The following DPEP1 variants were observed in gnomAD, a reference collection of about 807,000 sequenced individuals.
DPEP1 encodes beta-lactamase.
DPEP1 carries 50 observed loss-of-function variants against 42.3 expected under a neutral mutation model. That is an observed-to-expected ratio of 1.18 (90% CI 0.94 to 1.50). DPEP1 has a LOEUF of 1.50. Among genes scored for constraint, DPEP1 ranks in the 40% most tolerant of loss-of-function variants. The pLI is 0.00. For missense variants in DPEP1, 663 were observed against 553.0 expected, an observed-to-expected ratio of 1.20 and a Z score of -1.99; for synonymous variants, 297 against 234.0, an observed-to-expected ratio of 1.27 and a Z score of -2.46.
At chr16:89,637,020 G>T in intron 6 of DPEP1, 85 bp downstream of exon 6, 1 of 1,564,812 alleles carries the variant, frequency 6.4e-7, no homozygotes, top group Non-Finnish European at 8.7e-7. Context: ...CTCCTCACGT[G>T]GGACCTCAGT....
At chr16:89,637,741 C>G in intron 9 of DPEP1, 34 bp downstream of exon 9, 1 of 1,612,782 alleles carries the variant, frequency 6.2e-7, no homozygotes, top group Non-Finnish European at 8.5e-7. Context: ...TGTGGATGAG[C>G]CGGGAGGTTC....
In DPEP1 at chr16:89,638,410, C is replaced by A; in HGVS notation, c.*188C>A. 8 of 1,346,012 alleles carry A rather than the reference C, an allele frequency of 5.9e-6. No homozygotes were observed. The highest frequency in any genetic ancestry group is 7.6e-6 in the Non-Finnish European group (8 of 1,054,572). The allele number at this position is 1,346,012 out of a possible 1,614,324, so 83.4% of individuals were successfully genotyped here. On this transcript the variant is annotated 3_prime_UTR_variant, in exon 11 of 11. Coordinates refer to ENST00000690203, the MANE Select transcript of DPEP1 (RefSeq NM_001389466.1). ...TCAGGACACACACACAGTAGGCCCG[C>A]AATAAAAGCAACACCCCTTCACATC...
At chr16:89,634,465 A>G (rs1015707572) in intron 2 of DPEP1, among the ~76,000 whole-genome samples, 2 of 151,604 alleles carry the variant, frequency 1.3e-5, no homozygotes, top group Non-Finnish European at 1.5e-5. Flanking sequence ...CTGGATTCGG[A>G]CCCTCTGGGA....
Position 89,624,849 on chromosome 16 carries a change from A to C in DPEP1, c.-106-5456A>C, listed in dbSNP as rs375968008. Among the ~76,000 whole-genome samples, 14 of 152,198 alleles carry C rather than the reference A, an allele frequency of 9.2e-5. No homozygotes were observed. In the East Asian group the frequency reaches 2.7e-3, roughly 29 times the overall value. On this transcript the variant is annotated intron_variant, in intron 1 of 10. Coordinates refer to ENST00000690203, the MANE Select transcript of DPEP1 (RefSeq NM_001389466.1). Reference sequence around the variant, plus strand: ...CCCCTCGGCCAGTTTTCTGGGTCTTAAGGGCACCTTTCATGGTTCCTATAC... The same window carrying C: ...CCCCTCGGCCAGTTTTCTGGGTCTTCAGGGCACCTTTCATGGTTCCTATAC...
chr16:89,638,113 C>G lies in DPEP1; in HGVS notation c.1127C>G (p.Ser376Cys). The G allele has an allele frequency of 6.2e-7, 1 of 1,612,400 alleles. No individual in the cohort carries two copies. The highest frequency in any genetic ancestry group is 8.5e-7 in the Non-Finnish European group (1 of 1,179,828). ...ATCCCGCTGGACCAGCTGGGTGGCTCCTGCAGGACCCATTACGGCTACTCC... is the reference window on the plus strand; with the variant it reads ...ATCCCGCTGGACCAGCTGGGTGGCTGCTGCAGGACCCATTACGGCTACTCC... Reference protein sequence around the residue: ...EPIPLDQLGGSCRTHYGYSSG... With the variant: ...EPIPLDQLGGCCRTHYGYSSG... Residue 376 changes from serine (S) to cysteine (C), a missense_variant, in exon 11 of 11, where the codon TCC becomes TGC. Transcript: ENST00000690203.
intron 1 of DPEP1, among the ~76,000 whole-genome samples, chr16:89,617,144 T>C (rs994326238): frequency 6.6e-6 from 1 of 152,032 alleles, no homozygotes; most frequent in African/African-American, 2.4e-5. Context: ...TTGGGGACAA[T>C]TCTCTCTTAT....
At chr16:89,616,830 G>A in intron 1 of DPEP1, 2 of 258,666 alleles carry the variant, frequency 7.7e-6, no homozygotes, top group Non-Finnish European at 7.8e-6. Flanking sequence ...GAAGTGGCCA[G>A]GAAGCGGACA....
chr16:89,614,408 T>C (rs1342346997), intron 1 of DPEP1, among the ~76,000 whole-genome samples: 1 of 152,210 alleles, frequency 6.6e-6, no homozygotes, highest in Admixed American at 6.5e-5. Context: ...TGGAATTCTC[T>C]GCGCAGTCAT....
chr16:89,629,810 G>C (rs949188719), intron 1 of DPEP1, among the ~76,000 whole-genome samples: 1 of 152,184 alleles, frequency 6.6e-6, no homozygotes. Context: ...CCGGGGGTGC[G>C]GACCCCTCAG....
intron 2 of DPEP1, among the ~76,000 whole-genome samples, chr16:89,632,391 T>C (rs2151494089): frequency 6.6e-6 from 1 of 152,266 alleles, no homozygotes; most frequent in Non-Finnish European, 1.5e-5. Flanking sequence ...GGGACCCACC[T>C]TCATCCCTTG....
At chr16:89,621,889 C>T (rs968634173) in intron 1 of DPEP1, among the ~76,000 whole-genome samples, 6 of 152,104 alleles carry the variant, frequency 3.9e-5, no homozygotes, top group African/African-American at 7.2e-5. Context: ...TGGGTAGGTC[C>T]GCATTGCCTG....
intron 1 of DPEP1, among the ~76,000 whole-genome samples, chr16:89,629,018 G>T (rs1194360250): frequency 1.3e-5 from 2 of 151,996 alleles, no homozygotes; most frequent in African/African-American, 4.8e-5. Flanking sequence ...ATACAGAGAG[G>T]GTTTCACCAT....
intron 1 of DPEP1, among the ~76,000 whole-genome samples, chr16:89,622,445 C>T (rs775554552): frequency 3.3e-5 from 5 of 152,170 alleles, no homozygotes; most frequent in Non-Finnish European, 7.3e-5. Flanking sequence ...ACAAGCATTT[C>T]CTCCTGCTCC....
At chr16:89,637,033 C>T (rs2059690215) in intron 6 of DPEP1, 98 bp downstream of exon 6, 2 of 1,547,948 alleles carry the variant, frequency 1.3e-6, no homozygotes, top group Admixed American at 1.8e-5. Context: ...ACCTCAGTGT[C>T]CTTGTCTGTA....
chr16:89,620,963 C>T (rs2059440633), intron 1 of DPEP1, among the ~76,000 whole-genome samples: 2 of 152,162 alleles, frequency 1.3e-5, no homozygotes, highest in Admixed American at 1.3e-4. Context: ...AGCACCATCA[C>T]AGGCAGTGAA....
downstream of DPEP1, among the ~76,000 whole-genome samples, chr16:89,640,082 C>T (rs1207927147): frequency 6.6e-6 from 1 of 152,252 alleles, no homozygotes; most frequent in African/African-American, 2.4e-5. Flanking sequence ...AGACGTGGTC[C>T]AGGCGTGAGC....
intron 1 of DPEP1, among the ~76,000 whole-genome samples, chr16:89,622,698 C>T (rs1181806719): frequency 6.6e-6 from 1 of 151,394 alleles, no homozygotes; most frequent in Non-Finnish European, 1.5e-5. Context: ...GCAGGAGAAT[C>T]GCTTGAACCC....
chr16:89,637,390 G>C lies in DPEP1; in HGVS notation c.768+10G>C, dbSNP rs374720091. ...CGTCCTGAGGCTGGTGGTGAGGGCC[G>C]AGGGGGCGACCTCCACCCCGCCTCC... On this transcript the variant is annotated intron_variant, in intron 7 of 10. Transcript: ENST00000690203. 1 of 1,612,226 alleles carries C rather than the reference G, an allele frequency of 6.2e-7. No individual in the cohort carries two copies. The highest frequency in any genetic ancestry group is 8.5e-7 in the Non-Finnish European group (1 of 1,179,792).
chr16:89,621,067 C>T (rs1168380238), intron 1 of DPEP1, among the ~76,000 whole-genome samples: 7 of 151,718 alleles, frequency 4.6e-5, no homozygotes, highest in South Asian at 2.1e-4. Context: ...ATGGAACCGG[C>T]GGGGGCCTCA....
Sources: gnomAD v4.1 joint callset for allele counts (sites outside exome capture counted in the v4.1 genomes callset) on GRCh38, gnomAD v4.1.1 for gene constraint, MANE v1.5 for transcripts, NCBI Gene and HGNC (gene_info 2026-07-23, HGNC 2026-07-21) for gene names.